TBC1D23: variants seen among roughly 807,000 people sequenced by gnomAD.
TBC1D23 encodes HCV non-structural protein 4A-transactivated protein 1.
Under a neutral mutation model 91.4 loss-of-function variants are expected in TBC1D23, and 55 were observed. The ratio of observed to expected loss-of-function variants is 0.60; its 90% CI spans 0.48 to 0.75. The LOEUF (loss-of-function observed/expected upper bound fraction) is 0.75, where lower values mean the gene tolerates loss of function less well. TBC1D23 is among the 30% of genes least tolerant of loss of function. The pLI is 0.00. For missense variants in TBC1D23, 725 were observed against 836.1 expected, an observed-to-expected ratio of 0.87 and a Z score of 1.64; for synonymous variants, 289 against 281.0, an observed-to-expected ratio of 1.03 and a Z score of -0.28.
intron 2 of TBC1D23, among the ~76,000 whole-genome samples, 188 bp from the exon 3 acceptor site, chr3:100,281,554 T>C (rs925172885): frequency 6.6e-6 from 1 of 152,208 alleles, no homozygotes; most frequent in Non-Finnish European, 1.5e-5. Flanking sequence ...AAATATCTAA[T>C]GTAGGAGGAC....
chr3:100,277,636 A>G (rs1469209727), intron 1 of TBC1D23, among the ~76,000 whole-genome samples: 8 of 152,232 alleles, frequency 5.3e-5, no homozygotes. Context: ...AAAGTGAATA[A>G]TTCTAATTCT....
Position 100,310,555 on chromosome 3 carries a change from T to C in TBC1D23, c.1553+13T>C. On this transcript the variant is annotated intron_variant, in intron 14 of 18. Coordinates refer to ENST00000394144, the MANE Select transcript of TBC1D23 (RefSeq NM_001199198.3). Reference sequence around the variant, plus strand: ...CTCCTGTGGATCGGTGAGTTGTTTATACAGTATGAGTTTATGATGAGTAAT... The same window carrying C: ...CTCCTGTGGATCGGTGAGTTGTTTACACAGTATGAGTTTATGATGAGTAAT... The C allele has an allele frequency of 6.2e-7, 1 of 1,604,706 alleles. No homozygotes were observed. Among genetic ancestry groups the C allele is most frequent in the Non-Finnish European group, 8.5e-7 (1 of 1,175,168 alleles).
intron 4 of TBC1D23, among the ~76,000 whole-genome samples, chr3:100,285,754 A>G (rs1425109511): frequency 6.6e-6 from 1 of 152,198 alleles, no homozygotes; most frequent in Non-Finnish European, 1.5e-5. Flanking sequence ...ATTATAGCCC[A>G]TCCTAGTGAG....
intron 1 of TBC1D23, among the ~76,000 whole-genome samples, chr3:100,273,812 T>C (rs1425817227): frequency 6.6e-6 from 1 of 152,176 alleles, no homozygotes. Flanking sequence ...TGGATAGCCA[T>C]ATGCAGAAAA....
chr3:100,262,837 T>A (rs187251389), intron 1 of TBC1D23, among the ~76,000 whole-genome samples: 1 of 151,996 alleles, frequency 6.6e-6, no homozygotes, highest in African/African-American at 2.4e-5. Context: ...TAATTGTACA[T>A]CTTTTTTGTG....
chr3:100,293,279 G>A (rs925888011), intron 5 of TBC1D23, among the ~76,000 whole-genome samples: 5 of 152,002 alleles, frequency 3.3e-5, no homozygotes, highest in Admixed American at 2.6e-4. Flanking sequence ...CACTGCAGGC[G>A]CCCGCCACCA....
chr3:100,317,752 T>C (rs1705775777), intron 16 of TBC1D23, among the ~76,000 whole-genome samples: 1 of 152,110 alleles, frequency 6.6e-6, no homozygotes, highest in Non-Finnish European at 1.5e-5. Context: ...GGCAAATGGA[T>C]GAATAAATTG....
chr3:100,289,273 G>C (rs906359003), intron 4 of TBC1D23, among the ~76,000 whole-genome samples: 4 of 152,066 alleles, frequency 2.6e-5, no homozygotes, highest in African/African-American at 9.7e-5. Flanking sequence ...TATCCAGTAA[G>C]ATCCACTACC....
chr3:100,303,340 G>A (rs1043579083), intron 11 of TBC1D23, among the ~76,000 whole-genome samples: 1 of 152,194 alleles, frequency 6.6e-6, no homozygotes, highest in Admixed American at 6.5e-5. Context: ...AGCAAAATCA[G>A]AGAAGGAACA....
chr3:100,308,010 A>G (rs577899326), intron 13 of TBC1D23, among the ~76,000 whole-genome samples: 266 of 152,314 alleles, frequency 1.7e-3, no homozygotes, highest in Middle Eastern at 3.4e-3. Context: ...TAGTTTTTCT[A>G]TTGAAGCTTT....
chr3:100,307,458 CCTT>C (rs750547693), intron 13 of TBC1D23, among the ~76,000 whole-genome samples: 2 of 152,194 alleles, frequency 1.3e-5, no homozygotes, highest in African/African-American at 2.4e-5. Context: ...AACAACATAA[CCTT>C]CTTTCTAAGG....
chr3:100,293,652 C>G (rs2148860657), intron 5 of TBC1D23, among the ~76,000 whole-genome samples: 1 of 152,246 alleles, frequency 6.6e-6, no homozygotes, highest in African/African-American at 2.4e-5. Flanking sequence ...AAAGCAACCA[C>G]AAAAAACATT....
chr3:100,292,229 G>A (rs966886285), intron 5 of TBC1D23, among the ~76,000 whole-genome samples: 3 of 152,128 alleles, frequency 2.0e-5, no homozygotes, highest in Admixed American at 6.6e-5. Context: ...GGACTTCTAC[G>A]AGGTCCCCAG....
At chr3:100,313,945 C>G (rs1211475976) in intron 15 of TBC1D23, among the ~76,000 whole-genome samples, 11 of 151,992 alleles carry the variant, frequency 7.2e-5, no homozygotes, top group Non-Finnish European at 1.5e-4. Context: ...GATTATGTCA[C>G]TTGTAATTTA....
chr3:100,289,006 G>A (rs964975748), intron 4 of TBC1D23, among the ~76,000 whole-genome samples: 1 of 152,112 alleles, frequency 6.6e-6, no homozygotes, highest in Non-Finnish European at 1.5e-5. Context: ...TTGAGCCCAG[G>A]AGTTCGAGAC....
chr3:100,297,594 A>G (rs1484072342), intron 8 of TBC1D23, among the ~76,000 whole-genome samples: 1 of 152,194 alleles, frequency 6.6e-6, no homozygotes, highest in African/African-American at 2.4e-5. Context: ...GATTTCTGCC[A>G]CATATTTGTT....
chr3:100,290,707 A>ACTGTTCCACTG lies in TBC1D23; in HGVS notation c.600+6_600+7insCTGTTCCACTG, dbSNP rs761716887. 1.3e-6 allele frequency: 2 copies of ACTGTTCCACTG among 1,580,388 alleles called. No individual in the cohort carries two copies. Among genetic ancestry groups the ACTGTTCCACTG allele is most frequent in the Admixed American group, 1.8e-5 (1 of 54,718 alleles). ...ACTCCTATGCACTCAACTGGGTAAT[A>ACTGTTCCACTG]AAGTGAAAGTAGGAACATTTAATGA... On this transcript the variant is annotated splice_region_variant and intron_variant, in intron 5 of 18. Transcript: ENST00000394144.
chr3:100,262,830 T>C (rs2067524669), intron 1 of TBC1D23, among the ~76,000 whole-genome samples: 1 of 151,912 alleles, frequency 6.6e-6, no homozygotes, highest in African/African-American at 2.4e-5. Context: ...AATTAGATAA[T>C]TGTACATCTT....
At chr3:100,283,000 CTAGG>C (rs2148855335) in intron 3 of TBC1D23, among the ~76,000 whole-genome samples, 1 of 152,272 alleles carries the variant, frequency 6.6e-6, no homozygotes, top group African/African-American at 2.4e-5. Context: ...TCTCAACAGA[CTAGG>C]TAAGAAAACA....
Sources: gnomAD v4.1 joint callset for allele counts (sites outside exome capture counted in the v4.1 genomes callset) on GRCh38, gnomAD v4.1.1 for gene constraint, MANE v1.5 for transcripts, NCBI Gene and HGNC (gene_info 2026-07-23, HGNC 2026-07-21) for gene names.